SPOCK1: variants seen among roughly 807,000 people sequenced by gnomAD.
SPOCK1 encodes testican-1.
In SPOCK1, 23 loss-of-function variants were observed where a neutral mutation model predicts 55.3. The ratio of observed to expected loss-of-function variants is 0.42; its 90% confidence interval spans 0.30 to 0.59. The LOEUF is 0.59. SPOCK1 is among the 20% of genes least tolerant of loss of function. The probability of loss-of-function intolerance (pLI) is 0.22; values close to 1 mark genes in which losing one functional copy is unlikely to be tolerated. For missense variants in SPOCK1, 499 were observed against 552.5 expected, an observed-to-expected ratio of 0.90 and a Z score of 0.97; for synonymous variants, 226 against 221.0, an observed-to-expected ratio of 1.02 and a Z score of -0.20.
At chr5:137,451,718 A>C (rs1446579559) in intron 2 of SPOCK1, among the ~76,000 whole-genome samples, 2 of 152,224 alleles carry the variant, frequency 1.3e-5, no homozygotes, top group East Asian at 3.8e-4. Flanking sequence ...TTATGCCTCC[A>C]CTTGAAATCT....
At chr5:137,052,376 T>C (rs1479411465) in intron 6 of SPOCK1, among the ~76,000 whole-genome samples, 1 of 152,236 alleles carries the variant, frequency 6.6e-6, no homozygotes, top group African/African-American at 2.4e-5. Context: ...GGAAAAATTC[T>C]TTTAAAAATT....
At chr5:137,090,569 C>A (rs1753034942) in intron 5 of SPOCK1, among the ~76,000 whole-genome samples, 1 of 152,190 alleles carries the variant, frequency 6.6e-6, no homozygotes, top group Non-Finnish European at 1.5e-5. Context: ...ATCTCCACAC[C>A]CCTCACCTCA....
chr5:137,328,875 A>G (rs1758122993), intron 2 of SPOCK1, among the ~76,000 whole-genome samples: 1 of 152,146 alleles, frequency 6.6e-6, no homozygotes, highest in African/African-American at 2.4e-5. Context: ...GCTACCTGCA[A>G]TTCTTTTGGG....
intron 6 of SPOCK1, among the ~76,000 whole-genome samples, chr5:137,059,836 A>G (rs1260390905): frequency 6.6e-6 from 1 of 152,250 alleles, no homozygotes; most frequent in Non-Finnish European, 1.5e-5. Flanking sequence ...ATGGCCAACA[A>G]GCATATGAAA....
intron 2 of SPOCK1, among the ~76,000 whole-genome samples, chr5:137,484,931 C>T (rs1419430498): frequency 6.6e-6 from 1 of 151,938 alleles, no homozygotes; most frequent in Non-Finnish European, 1.5e-5. Context: ...AAAGACGCGC[C>T]AAATCATATA....
Position 137,069,268 on chromosome 5 carries a change from G to A in SPOCK1, c.475-1439C>T, listed in dbSNP as rs556078860. Among the ~76,000 whole-genome samples the A allele has an allele frequency of 5.9e-5, 9 of 152,270 alleles. No homozygotes were observed. In the East Asian group the frequency reaches 9.7e-4, roughly 16 times the overall value. ...TCCAATGATCACCCATACAGTCACCGGCTGCCCATTCAGGGAGAGGGCAAC... is the reference window on the plus strand; with the variant it reads ...TCCAATGATCACCCATACAGTCACCAGCTGCCCATTCAGGGAGAGGGCAAC... On this transcript the variant is annotated intron_variant, in intron 5 of 10. Transcript: ENST00000394945.
intron 4 of SPOCK1, among the ~76,000 whole-genome samples, chr5:137,121,828 CTAT>C (rs941002948): frequency 1.4e-5 from 2 of 144,994 alleles, no homozygotes; most frequent in Non-Finnish European, 3.0e-5. Context: ...CTTATTATCC[CTAT>C]TATTATATTT....
intron 2 of SPOCK1, among the ~76,000 whole-genome samples, chr5:137,275,545 T>C (rs1473361474): frequency 6.6e-6 from 1 of 152,136 alleles, no homozygotes; most frequent in Non-Finnish European, 1.5e-5. Flanking sequence ...TGGGATGTTT[T>C]AAAAGCTCTC....
intron 2 of SPOCK1, among the ~76,000 whole-genome samples, chr5:137,448,169 A>G (rs1404861067): frequency 6.6e-6 from 1 of 151,968 alleles, no homozygotes; most frequent in Admixed American, 6.6e-5. Flanking sequence ...AATCGCTTGA[A>G]CCCTAGAGGC....
chr5:137,386,257 G>A (rs1041019721), intron 2 of SPOCK1, among the ~76,000 whole-genome samples: 5 of 152,158 alleles, frequency 3.3e-5, no homozygotes, highest in African/African-American at 9.7e-5. Context: ...CCATGTTCAT[G>A]GATAGGAAGA....
At chr5:136,986,657 A>AAATT (rs1241150727) in intron 8 of SPOCK1, among the ~76,000 whole-genome samples, 2 of 152,150 alleles carry the variant, frequency 1.3e-5, no homozygotes, top group African/African-American at 4.8e-5. Flanking sequence ...GTTGAGAACA[A>AAATT]AATTAATGTT....
At chr5:137,256,043 G>T (rs1302467868) in intron 3 of SPOCK1, among the ~76,000 whole-genome samples, 1 of 152,168 alleles carries the variant, frequency 6.6e-6, no homozygotes, top group Non-Finnish European at 1.5e-5. Context: ...CCTCCTGGCA[G>T]CAAGGAAACT....
chr5:137,059,621 C>T (rs1363659944), intron 6 of SPOCK1, among the ~76,000 whole-genome samples: 1 of 152,118 alleles, frequency 6.6e-6, no homozygotes, highest in Non-Finnish European at 1.5e-5. Flanking sequence ...AACTAAAGAG[C>T]TTCTGCATAG....
chr5:137,244,180 A>G (rs1160422101), intron 3 of SPOCK1, among the ~76,000 whole-genome samples: 1 of 152,200 alleles, frequency 6.6e-6, no homozygotes, highest in Admixed American at 6.5e-5. Flanking sequence ...CTATAAAGAG[A>G]CTATATTACA....
At chr5:137,301,843 A>G (rs2127137129) in intron 2 of SPOCK1, among the ~76,000 whole-genome samples, 1 of 152,230 alleles carries the variant, frequency 6.6e-6, no homozygotes, top group East Asian at 1.9e-4. Flanking sequence ...AACTCCAGAT[A>G]CACAAATTTT....
chr5:137,276,055 C>T (rs149958905), intron 2 of SPOCK1, among the ~76,000 whole-genome samples: 1 of 152,314 alleles, frequency 6.6e-6, no homozygotes, highest in Non-Finnish European at 1.5e-5. Context: ...CACCCTCCTG[C>T]TTAAAATGCT....
At chr5:137,284,797 G>T (rs1561493198) in intron 2 of SPOCK1, among the ~76,000 whole-genome samples, 1 of 152,164 alleles carries the variant, frequency 6.6e-6, no homozygotes, top group Non-Finnish European at 1.5e-5. Context: ...GAAAGGAGGG[G>T]TGGGTTCAAA....
intron 3 of SPOCK1, among the ~76,000 whole-genome samples, chr5:137,205,004 A>G (rs1755494186): frequency 6.6e-6 from 1 of 152,196 alleles, no homozygotes; most frequent in African/African-American, 2.4e-5. Context: ...TCTCCTAAGA[A>G]GTGATAATCC....
At chr5:137,210,164 T>C (rs754553506) in intron 3 of SPOCK1, among the ~76,000 whole-genome samples, 6 of 152,202 alleles carry the variant, frequency 3.9e-5, no homozygotes, top group South Asian at 2.1e-4. Context: ...AGTTGTATAA[T>C]ATCAGCTAAA....
Sources: gnomAD v4.1 joint callset for allele counts (sites outside exome capture counted in the v4.1 genomes callset) on GRCh38, gnomAD v4.1.1 for gene constraint, MANE v1.5 for transcripts, NCBI Gene and HGNC (gene_info 2026-07-23, HGNC 2026-07-21) for gene names.